The following PCDHGA10 variants were observed in gnomAD, a reference collection of about 807,000 sequenced individuals.
PCDHGA10 encodes the protein protocadherin gamma subfamily A, 10, also known as protocadherin gamma-A10.
Under a neutral mutation model 59.5 loss-of-function variants are expected in PCDHGA10, and 42 were observed. The ratio of observed to expected loss-of-function variants is 0.71; its 90% CI spans 0.55 to 0.91. The LOEUF is 0.91. PCDHGA10 is among the 40% of genes least tolerant of loss of function. PCDHGA10 has a pLI of 0.00. For synonymous variants in PCDHGA10, 511 were observed against 517.2 expected (o/e 0.99, Z 0.16); for missense variants, 1,111 against 1,198.2 (o/e 0.93, Z 1.07).
chr5:141,497,495 T>C (rs193075970), intron 2 of PCDHGA10, among the ~76,000 whole-genome samples: 28 of 151,186 alleles, frequency 1.9e-4, no homozygotes, highest in Admixed American at 1.7e-3. Context: ...TCTCTCTCTC[T>C]CCTCTCTCTG....
chr5:141,491,034 T>A lies in PCDHGA10; in HGVS notation c.2437-3773T>A. On this transcript the variant is annotated intron_variant, in intron 1 of 3. Coordinates refer to ENST00000398610, the MANE Select transcript of PCDHGA10 (RefSeq NM_018913.3). This position sits in a 1 kb window ranked among gnomAD's most constrained non-coding sequence, Gnocchi z 6.9. ...CCAAGGTGACAGCCGTGGATGCTGA[T>A]GCAGGCCACAATGCGTGGCTCTCCT... 1 of 1,614,170 alleles carries A rather than the reference T, an allele frequency of 6.2e-7. No individual in the cohort carries two copies. Among genetic ancestry groups the A allele is most frequent in the African/African-American group, 1.3e-5 (1 of 75,074 alleles).
In PCDHGA10 at chr5:141,431,184, T is replaced by G. The variant is rs754537015; in HGVS notation, c.2436+15573T>G. The G allele has an allele frequency of 5.6e-6, 9 of 1,614,090 alleles. No homozygotes were observed. Among genetic ancestry groups the G allele is most frequent in the Non-Finnish European group, 6.8e-6 (8 of 1,180,050 alleles). ...CGTGAAAGTGAATTAGAAATAAAAA[T>G]TAGTGAAAATGCAGCCACTGAGATG... On this transcript the variant is annotated intron_variant, in intron 1 of 3. Transcript: ENST00000398610. The surrounding 1 kb of genome is among the most constrained non-coding windows in gnomAD (Gnocchi z 4.8).
intron 1 of PCDHGA10, among the ~76,000 whole-genome samples, chr5:141,445,357 G>C (rs115045385): frequency 0.013 from 1,909 of 152,252 alleles, 31 homozygotes; most frequent in African/African-American, 0.044. Flanking sequence ...GTCTGCCCAA[G>C]TCTGGTCCTG....
chr5:141,480,429 T>A (rs72790066), intron 1 of PCDHGA10, among the ~76,000 whole-genome samples: 9,317 of 151,926 alleles, frequency 0.061, 335 homozygotes, highest in South Asian at 0.12. Context: ...AAAAAAATTA[T>A]CAGCTATTAC....
At chr5:141,484,315 C>T (rs1172379949) in intron 1 of PCDHGA10, among the ~76,000 whole-genome samples, 2 of 152,326 alleles carry the variant, frequency 1.3e-5, no homozygotes, top group African/African-American at 4.8e-5. Context: ...ACCCCGCTTC[C>T]ATACTGTCCT....
rs751177252 is a variant in PCDHGA10 at position 141,415,407 on chromosome 5, T to G, written c.2232T>G (p.Phe744Leu). The G allele has an allele frequency of 1.9e-6, 3 of 1,614,086 alleles. No homozygotes were observed. The African/African-American group carries it at 4.0e-5, about 22-fold the overall frequency. Reference protein sequence around the residue: ...GGLTGVSGSHFVGVDGVRAFL... With the variant: ...GGLTGVSGSHLVGVDGVRAFL... ...TGACAGGTGTGTCCGGCTCGCACTTTGTGGGCGTGGACGGGGTTCGGGCTT... is the reference window on the plus strand; with the variant it reads ...TGACAGGTGTGTCCGGCTCGCACTTGGTGGGCGTGGACGGGGTTCGGGCTT... Residue 744 changes from phenylalanine to leucine, a missense_variant, in exon 1 of 4, where the codon TTT becomes TTG. Transcript: ENST00000398610.
In PCDHGA10 at chr5:141,432,452, C is replaced by T. The variant is rs780149710; in HGVS notation, c.2436+16841C>T. 3.7e-6 allele frequency: 6 copies of T among 1,614,094 alleles called. No homozygotes were observed. The highest frequency in any genetic ancestry group is 1.6e-4 in the Middle Eastern group (1 of 6,082). On this transcript the variant is annotated intron_variant, in intron 1 of 3. Coordinates refer to ENST00000398610, the MANE Select transcript of PCDHGA10 (RefSeq NM_018913.3). The surrounding 1 kb of genome is among the most constrained non-coding windows in gnomAD (Gnocchi z 6.0). ...CGACAATGCGCCCGAGATCCTGTACCCCGCCCTCCCCACGGACGGTTCCAC... is the reference window on the plus strand; with the variant it reads ...CGACAATGCGCCCGAGATCCTGTACTCCGCCCTCCCCACGGACGGTTCCAC...
chr5:141,430,930 G>A, intron 1 of PCDHGA10: 2 of 1,607,320 alleles, frequency 1.2e-6, no homozygotes, highest in Non-Finnish European at 1.7e-6. Context: ...TGGAGCCCCG[G>A]GAGCTCGCGG....
chr5:141,418,688 A>C, intron 1 of PCDHGA10: 2 of 1,614,032 alleles, frequency 1.2e-6, no homozygotes, highest in Non-Finnish European at 1.7e-6. Flanking sequence ...CAACTCAGAG[A>C]TCACTTATTC....
In PCDHGA10 at chr5:141,435,189, G is replaced by A. The variant is rs569176993; in HGVS notation, c.2436+19578G>A. Among the ~76,000 whole-genome samples the A allele has an allele frequency of 5.3e-5, 8 of 152,166 alleles. No homozygotes were observed. The South Asian group carries it at 8.3e-4, about 16-fold the overall frequency. On this transcript the variant is annotated intron_variant, in intron 1 of 3. Coordinates refer to ENST00000398610, the MANE Select transcript of PCDHGA10 (RefSeq NM_018913.3). ...GTGGCTTTTAACTACACTTGAGATGGCTAGCAAATTCATAAAGTGAATTTA... is the reference window on the plus strand; with the variant it reads ...GTGGCTTTTAACTACACTTGAGATGACTAGCAAATTCATAAAGTGAATTTA...
intron 1 of PCDHGA10, chr5:141,440,348 C>G (rs2098169693): frequency 6.6e-6 from 1 of 152,190 alleles, no homozygotes; most frequent in South Asian, 2.1e-4. Flanking sequence ...GGCCTATAAT[C>G]CTAGCTACTC....
At chr5:141,449,631 G>C in intron 1 of PCDHGA10, among the ~76,000 whole-genome samples, 1 of 148,476 alleles carries the variant, frequency 6.7e-6, no homozygotes, top group Middle Eastern at 3.6e-3. Flanking sequence ...TTAAAAAGAT[G>C]TATCTATATA....
At position 141,511,239 on chromosome 5, in the gene PCDHGA10, C is replaced by A; in HGVS notation, c.*66C>A. On this transcript the variant is annotated 3_prime_UTR_variant, in exon 4 of 4. Coordinates refer to ENST00000398610, the MANE Select transcript of PCDHGA10 (RefSeq NM_018913.3). ...AACCAGCCCAGCTTCTCCTTACCTG[C>A]ACCCAGGCCTCAGAGTTTCAGGGCT... 1 of 1,587,938 alleles carries A rather than the reference C, an allele frequency of 6.3e-7. No homozygotes were observed. Among genetic ancestry groups the A allele is most frequent in the Admixed American group, 1.8e-5 (1 of 55,480 alleles).
At chr5:141,494,926 G>C in intron 2 of PCDHGA10, 61 bp downstream of exon 2, 2 of 1,613,498 alleles carry the variant, frequency 1.2e-6, no homozygotes, top group Non-Finnish European at 1.7e-6. Context: ...GGATGACGTG[G>C]GAGGAGATGG....
At chr5:141,423,927 T>G (rs2096791636) in intron 1 of PCDHGA10, 4 of 1,240,434 alleles carry the variant, frequency 3.2e-6, no homozygotes, top group Non-Finnish European at 4.1e-6. Flanking sequence ...TATGCTGGTT[T>G]GGTTTGAAGT....
In PCDHGA10 at chr5:141,477,018, C is replaced by T. The variant is rs2099403540; in HGVS notation, c.2437-17789C>T. The T allele has an allele frequency of 3.1e-6, 5 of 1,614,262 alleles. No homozygotes were observed. Among genetic ancestry groups the T allele is most frequent in the Non-Finnish European group, 4.2e-6 (5 of 1,180,048 alleles). ...CAACTATTCGCCTTAGACCTTGTAA[C>T]CGGGATGCTGACAATCAAGGGTCGG... On this transcript the variant is annotated intron_variant, in intron 1 of 3. Coordinates refer to ENST00000398610, the MANE Select transcript of PCDHGA10 (RefSeq NM_018913.3). The surrounding 1 kb of genome is among the most constrained non-coding windows in gnomAD (Gnocchi z 4.9).
At position 141,413,234 on chromosome 5, in the gene PCDHGA10, T is replaced by C. The variant is rs2095618811; in HGVS notation, c.59T>C (p.Leu20Pro). The C allele has an allele frequency of 1.2e-6, 2 of 1,613,838 alleles. No individual in the cohort carries two copies. The highest frequency in any genetic ancestry group is 1.7e-6 in the Non-Finnish European group (2 of 1,179,898). ...AAGGATTGCAGCGGGCTGGTCCTGC[T>C]CTGCCTTTTCTTCGGGATTCCATGG... Reference protein sequence around the residue: ...ESKDCSGLVLLCLFFGIPWEA... With the variant: ...ESKDCSGLVLPCLFFGIPWEA... Residue 20 changes from leucine (L) to proline (P), a missense_variant, in exon 1 of 4, where the codon CTC (leucine) becomes CCC (proline). Physicochemically the swap from Leu to Pro is moderately conservative, Grantham distance 98. Coordinates refer to ENST00000398610, the MANE Select transcript of PCDHGA10 (RefSeq NM_018913.3).
chr5:141,499,836 A>G (rs2099794751), intron 2 of PCDHGA10, among the ~76,000 whole-genome samples: 1 of 151,894 alleles, frequency 6.6e-6, no homozygotes, highest in African/African-American at 2.4e-5. Flanking sequence ...ACAGGTGTGC[A>G]CCACCACACA....
chr5:141,490,688 CTG>C lies in PCDHGA10; in HGVS notation c.2437-4118_2437-4117del. 6.2e-7 allele frequency: 1 copy of C among 1,614,218 alleles called. No homozygotes were observed. On this transcript the variant is annotated intron_variant, in intron 1 of 3. Coordinates refer to ENST00000398610, the MANE Select transcript of PCDHGA10 (RefSeq NM_018913.3). This position sits in a 1 kb window ranked among gnomAD's most constrained non-coding sequence, Gnocchi z 5.4. ...ACTGTGGCTGCCTCAGATCCAGACA[CTG>C]GGGATAATGCCCGCCTCACCTACTC... is the stretch of plus-strand genomic sequence containing the variant.
Sources: gnomAD v4.1 joint callset for allele counts (sites outside exome capture counted in the v4.1 genomes callset) on GRCh38, gnomAD v4.1.1 for gene constraint, Gnocchi (gnomAD v3.1) non-coding constraint, MANE v1.5 for transcripts, NCBI Gene and HGNC (gene_info 2026-07-23, HGNC 2026-07-21) for gene names.